The following SLC19A1 variants were observed in gnomAD, a reference collection of about 807,000 sequenced individuals.
SLC19A1 encodes the protein solute carrier family 19 member 1, also known as reduced folate transporter.
A neutral mutation model predicts 35.3 loss-of-function variants in SLC19A1; 37 were observed. The ratio of observed to expected loss-of-function variants is 1.05; its 90% CI spans 0.81 to 1.38. SLC19A1 has a LOEUF of 1.38. SLC19A1 is among the 40% of genes most tolerant of loss of function. The pLI, the probability that SLC19A1 is intolerant of heterozygous loss-of-function variation, is 0.00. For synonymous variants in SLC19A1, 460 were observed against 398.5 expected (o/e 1.15, Z -1.84); for missense variants, 831 against 826.9 (o/e 1.00, Z -0.06).
chr21:45,507,420 G>C (rs9984030), intron 3 of SLC19A1: 6 of 822,122 alleles, frequency 7.3e-6, no homozygotes, highest in Non-Finnish European at 1.2e-5. Context: ...GCTTGGAGGG[G>C]CAGGTGCTGG....
downstream of SLC19A1, chr21:45,509,943 C>T (rs1364737907): frequency 1.7e-6 from 2 of 1,185,576 alleles, no homozygotes; most frequent in Non-Finnish European, 2.3e-6. Context: ...TTGCGCGCCT[C>T]CCGCTCAGCG....
At chr21:45,508,745 A>G (rs575479770), downstream of SLC19A1, among the ~76,000 whole-genome samples, 8 of 152,210 alleles carry the variant, frequency 5.3e-5, no homozygotes, top group East Asian at 1.5e-3. Context: ...TCAGCCAGTC[A>G]ATAGTCATGG....
At chr21:45,529,786 T>G (rs1185700729) in intron 4 of SLC19A1, among the ~76,000 whole-genome samples, 1 of 150,672 alleles carries the variant, frequency 6.6e-6, no homozygotes, top group Non-Finnish European at 1.5e-5. Flanking sequence ...GTGAGTGTGG[T>G]GTATCCATCT....
chr21:45,551,261 CA>C (rs756864075), intron 1 of SLC19A1, among the ~76,000 whole-genome samples: 1 of 151,482 alleles, frequency 6.6e-6, no homozygotes, highest in South Asian at 2.1e-4. Context: ...AGGAAAAAAA[CA>C]AAAAAAATCA....
chr21:45,556,208 C>A (rs2078560246), intron 1 of SLC19A1, among the ~76,000 whole-genome samples: 1 of 152,210 alleles, frequency 6.6e-6, no homozygotes, highest in African/African-American at 2.4e-5. Context: ...CAGCAGAGGT[C>A]CTCACGGCCT....
chr21:45,555,071 G>A (rs1392642388), intron 1 of SLC19A1, among the ~76,000 whole-genome samples: 1 of 150,208 alleles, frequency 6.7e-6, no homozygotes, highest in East Asian at 2.0e-4. Flanking sequence ...GCAACGCGGG[G>A]AGTGGCCACC....
At position 45,530,343 on chromosome 21, in the gene SLC19A1, G is replaced by A. The variant is rs568490354; in HGVS notation, c.1151+427C>T. ...GTGTGTGGTGAGTGTCCATCTGTGC[G>A]CATGTGGTGTGTTCATGAGTGTGTG... On this transcript the variant is annotated intron_variant, in intron 4 of 5. Coordinates refer to ENST00000311124, the MANE Select transcript of SLC19A1 (RefSeq NM_194255.4). The surrounding 1 kb of genome is among the most constrained non-coding windows in gnomAD (Gnocchi z 5.3). Among the ~76,000 whole-genome samples, 42 of 100,144 alleles carry A rather than the reference G, an allele frequency of 4.2e-4. No homozygotes were observed. The highest frequency in any genetic ancestry group is 9.9e-4 in the African/African-American group (28 of 28,338). The allele number at this position is 100,144 out of a possible 152,430, so 65.7% of individuals were successfully genotyped here. A position where few individuals can be genotyped will look rare whatever the true frequency, so the allele number is the denominator to read the frequency against.
rs754551976 is a variant in SLC19A1, at chr21:45,525,808, T to C, written c.1293+9A>G. ...CATCCCCGAGGACGCAGGCCTGAAA[T>C]GGGCTCACCTGCTTGCGGACCGGGA... On this transcript the variant is annotated intron_variant, in intron 5 of 5. Transcript: ENST00000311124. The C allele has an allele frequency of 3.1e-6, 5 of 1,612,696 alleles. No individual in the cohort carries two copies. The Admixed American group carries it at 5.0e-5, about 16-fold the overall frequency.
intron 1 of SLC19A1, among the ~76,000 whole-genome samples, chr21:45,555,599 T>C (rs1411526692): frequency 7.6e-6 from 1 of 131,694 alleles, no homozygotes. Context: ...GCTAAGGGGC[T>C]GCAGGCCAAC....
chr21:45,555,466 G>A (rs1226125111), intron 1 of SLC19A1, among the ~76,000 whole-genome samples: 6 of 130,054 alleles, frequency 4.6e-5, no homozygotes, highest in Admixed American at 4.4e-4. Flanking sequence ...GGGAGGTTGT[G>A]GGGGGAAGGG....
intron 1 of SLC19A1, among the ~76,000 whole-genome samples, chr21:45,561,333 C>T (rs972144116): frequency 6.6e-6 from 1 of 152,148 alleles, no homozygotes; most frequent in Non-Finnish European, 1.5e-5. Context: ...AATAAATGAA[C>T]CTCTTTCAAG....
At chr21:45,516,249 ACCC>A in intron 5 of SLC19A1, 109 bp from the exon 6 acceptor site, 1 of 829,772 alleles carries the variant, frequency 1.2e-6, no homozygotes, top group Non-Finnish European at 1.9e-6. Flanking sequence ...TCAGAGGCTG[ACCC>A]TGAACACTGC....
chr21:45,550,926 CT>C (rs1350621605), intron 1 of SLC19A1, among the ~76,000 whole-genome samples: 1 of 137,872 alleles, frequency 7.3e-6, no homozygotes, highest in African/African-American at 2.7e-5. Flanking sequence ...CTCCCCCCGC[CT>C]CCCCACAACC....
chr21:45,507,988 A>G (rs2037323814), downstream of SLC19A1, among the ~76,000 whole-genome samples: 1 of 152,176 alleles, frequency 6.6e-6, no homozygotes, highest in South Asian at 2.1e-4. Context: ...TGGGTGAATC[A>G]ATGGGGAGGT....
chr21:45,508,702 T>C (rs2037398438), downstream of SLC19A1, among the ~76,000 whole-genome samples: 1 of 152,188 alleles, frequency 6.6e-6, no homozygotes, highest in Non-Finnish European at 1.5e-5. Context: ...CAGCCCAGTC[T>C]GCTCTCACTC....
rs1320248279 is a variant in SLC19A1 at position 45,514,246 on chromosome 21, GGCT to G, written c.*1409_*1411del. ...TGCTAGATCTACGAGCCCAGGAAATGGCTGGTGCAGACCCCCCCCCAAGCAGGG... is the reference window on the plus strand; with the variant it reads ...TGCTAGATCTACGAGCCCAGGAAATGGGTGCAGACCCCCCCCCAAGCAGGG... On this transcript the variant is annotated 3_prime_UTR_variant, in exon 6 of 6. Transcript: ENST00000311124. 7.3e-6 allele frequency: 1 copy of G among 136,796 alleles called. No homozygotes were observed. The highest frequency in any genetic ancestry group is 2.9e-5 in the African/African-American group (1 of 34,942). 8.5% of individuals were successfully genotyped at this position (136,796 alleles called of 1,614,324 possible).
chr21:45,543,062 A>T (rs903221121), upstream of SLC19A1, among the ~76,000 whole-genome samples: 1 of 151,976 alleles, frequency 6.6e-6, no homozygotes, highest in Non-Finnish European at 1.5e-5. Context: ...ACGGGCTTGT[A>T]CCAAGGAGCA....
chr21:45,509,896 G>A (rs772528565), downstream of SLC19A1, among the ~76,000 whole-genome samples: 11 of 152,296 alleles, frequency 7.2e-5, no homozygotes, highest in Admixed American at 1.3e-4. Context: ...ACCTGGCAGC[G>A]TATGGGGGCT....
At chr21:45,522,391 G>A (rs918143529) in intron 5 of SLC19A1, among the ~76,000 whole-genome samples, 2 of 152,208 alleles carry the variant, frequency 1.3e-5, no homozygotes, top group Non-Finnish European at 2.9e-5. Flanking sequence ...TGCTGGTGGT[G>A]ATATAAAACG....
Sources: gnomAD v4.1 joint callset for allele counts (sites outside exome capture counted in the v4.1 genomes callset) on GRCh38, gnomAD v4.1.1 for gene constraint, Gnocchi (gnomAD v3.1) non-coding constraint, MANE v1.5 for transcripts, NCBI Gene and HGNC (gene_info 2026-07-23, HGNC 2026-07-21) for gene names.